The following KIRREL3 variants were observed in gnomAD, a reference collection of about 807,000 sequenced individuals.
The protein encoded by KIRREL3 is kirre like nephrin family adhesion molecule 3.
Under a neutral mutation model 89.7 loss-of-function variants are expected in KIRREL3, and 36 were observed. The observed-to-expected ratio is 0.40, with a 90% confidence interval of 0.31 to 0.53. The LOEUF is 0.53. KIRREL3 is among the 20% of genes least tolerant of loss of function. The pLI is 0.49. For synonymous variants in KIRREL3, 445 were observed against 441.4 expected, an observed-to-expected ratio of 1.01 and a Z score of -0.10; for missense variants, 864 against 1,056.6, an observed-to-expected ratio of 0.82 and a Z score of 2.53.
Position 126,434,983 on chromosome 11 carries a change from G to A in KIRREL3, c.1588+285C>T, listed in dbSNP as rs187828089. Among the ~76,000 whole-genome samples the A allele has an allele frequency of 3.3e-3, 508 of 152,256 alleles. 3 individuals carry two copies. The highest frequency in any genetic ancestry group is 4.4e-3 in the South Asian group (21 of 4,826). On this transcript the variant is annotated intron_variant, in intron 13 of 16. Coordinates refer to ENST00000525144, the MANE Select transcript of KIRREL3 (RefSeq NM_032531.4). ...GGAGTCAGGGCTCCTGAAGAGAAAG[G>A]ATGGAAGGAATGGAGCGGGGACGAG...
rs1946590560 is a variant in KIRREL3 at position 126,684,444 on chromosome 11, T to TCCAAGGTGCCTCCACAAAGCCTCAGGG, written c.56-121559_56-121533dup. Reference sequence around the variant, plus strand: ...GGCTTCCCTGCCCCTCCAAAGTGGTTCCAAGGTGCCTCCACAAAGCCTCAG... The same window carrying TCCAAGGTGCCTCCACAAAGCCTCAGGG: ...GGCTTCCCTGCCCCTCCAAAGTGGTTCCAAGGTGCCTCCACAAAGCCTCAGGGCCAAGGTGCCTCCACAAAGCCTCAG... On this transcript the variant is annotated intron_variant, in intron 1 of 16. Coordinates refer to ENST00000525144, the MANE Select transcript of KIRREL3 (RefSeq NM_032531.4). The surrounding 1 kb of genome is among the most constrained non-coding windows in gnomAD (Gnocchi z 4.2). Among the ~76,000 whole-genome samples, 1 of 152,172 alleles carries TCCAAGGTGCCTCCACAAAGCCTCAGGG rather than the reference T, an allele frequency of 6.6e-6. No individual in the cohort carries two copies. The highest frequency in any genetic ancestry group is 1.5e-5 in the Non-Finnish European group (1 of 68,024).
In KIRREL3 at chr11:126,484,850, T is replaced by C. The variant is rs1415910997; in HGVS notation, c.434-11384A>G. 2.0e-5 allele frequency among the ~76,000 whole-genome samples: 3 copies of C among 151,586 alleles called. No homozygotes were observed. The highest frequency in any genetic ancestry group is 2.9e-5 in the Non-Finnish European group (2 of 67,880). On this transcript the variant is annotated intron_variant, in intron 4 of 16. Coordinates refer to ENST00000525144, the MANE Select transcript of KIRREL3 (RefSeq NM_032531.4). The surrounding 1 kb of genome is among the most constrained non-coding windows in gnomAD (Gnocchi z 5.2). ...TTTTTTCTGAGACGGAGTCTCGCTCTTGTCACCCAGGCTGGAGTGCAATGG... is the reference window on the plus strand; with the variant it reads ...TTTTTTCTGAGACGGAGTCTCGCTCCTGTCACCCAGGCTGGAGTGCAATGG...
chr11:126,835,151 G>T (rs1414127362), intron 1 of KIRREL3, among the ~76,000 whole-genome samples: 2 of 152,192 alleles, frequency 1.3e-5, no homozygotes, highest in Non-Finnish European at 2.9e-5. Flanking sequence ...GACACCCCAT[G>T]CAGAAAACAA....
In KIRREL3 at chr11:126,564,228, A is replaced by G. The variant is rs1940346335; in HGVS notation, c.56-1316T>C. Among the ~76,000 whole-genome samples, 1 of 152,196 alleles carries G rather than the reference A, an allele frequency of 6.6e-6. No individual in the cohort carries two copies. On this transcript the variant is annotated intron_variant, in intron 1 of 16. Transcript: ENST00000525144. The surrounding 1 kb of genome is among the most constrained non-coding windows in gnomAD (Gnocchi z 7.4). The stretch of plus-strand genomic sequence containing the variant: ...ACTGCCTCCCTGAACCCAGCCAGTC[A>G]GTGTCTAGGCTCAAGAGGATAGACG...
chr11:126,424,589 AGTCT>A lies in KIRREL3; in HGVS notation c.2324_2327del (p.Gln775LeufsTer81). 6.2e-7 allele frequency: 1 copy of A among 1,613,744 alleles called. No individual in the cohort carries two copies. The highest frequency in any genetic ancestry group is 8.5e-7 in the Non-Finnish European group (1 of 1,179,818). On this transcript the variant is annotated frameshift_variant, in exon 17 of 17. Coordinates refer to ENST00000525144, the MANE Select transcript of KIRREL3 (RefSeq NM_032531.4). LOFTEE classifies it high-confidence loss of function. Reference sequence around the variant, plus strand: ...CCGCGGTGTGTGATCCTTAGACGTGAGTCTGCATCCGCCGCTGCAGGGGTCGACT... The same window carrying A: ...CCGCGGTGTGTGATCCTTAGACGTGAGCATCCGCCGCTGCAGGGGTCGACT...
At chr11:126,855,904 G>A (rs974219811) in intron 1 of KIRREL3, among the ~76,000 whole-genome samples, 1 of 152,108 alleles carries the variant, frequency 6.6e-6, no homozygotes, top group Admixed American at 6.6e-5. Flanking sequence ...GAGGGGACAG[G>A]GCCTATGGAC....
intron 1 of KIRREL3, among the ~76,000 whole-genome samples, chr11:126,707,147 C>A (rs975475122): frequency 2.7e-4 from 41 of 151,748 alleles, no homozygotes; most frequent in African/African-American, 9.7e-4. Context: ...GAGATGGGGA[C>A]CTTGCCCAGG....
Position 126,905,575 on chromosome 11 carries a change from C to A in KIRREL3, c.55+94880G>T, listed in dbSNP as rs1026015374. Among the ~76,000 whole-genome samples, 1 of 152,094 alleles carries A rather than the reference C, an allele frequency of 6.6e-6. No individual in the cohort carries two copies. On this transcript the variant is annotated intron_variant, in intron 1 of 16. Coordinates refer to ENST00000525144, the MANE Select transcript of KIRREL3 (RefSeq NM_032531.4). The surrounding 1 kb of genome is among the most constrained non-coding windows in gnomAD (Gnocchi z 5.0). ...TCTTTCATTTTGGGCCTTATCGAAC[C>A]TGTCCCGCTTGTGACCCACAAGAGC...
Position 126,492,346 on chromosome 11 carries a change from G to A in KIRREL3, c.434-18880C>T, listed in dbSNP as rs1239398417. On this transcript the variant is annotated intron_variant, in intron 4 of 16. Transcript: ENST00000525144. The surrounding 1 kb of genome is among the most constrained non-coding windows in gnomAD (Gnocchi z 4.8). Reference sequence around the variant, plus strand: ...TGAGGGATGAGGTGGATGTGACAAGGTGACATGACCCTAAGGCAGGGGGAT... The same window carrying A: ...TGAGGGATGAGGTGGATGTGACAAGATGACATGACCCTAAGGCAGGGGGAT... Among the ~76,000 whole-genome samples the A allele has an allele frequency of 2.6e-5, 4 of 152,146 alleles. No homozygotes were observed. The highest frequency in any genetic ancestry group is 6.5e-5 in the Admixed American group (1 of 15,280).
At chr11:126,573,827 C>T (rs1941103356) in intron 1 of KIRREL3, among the ~76,000 whole-genome samples, 1 of 152,082 alleles carries the variant, frequency 6.6e-6, no homozygotes, top group Non-Finnish European at 1.5e-5. Flanking sequence ...AAAGGAATAA[C>T]AGAGACCACA....
rs1245899530 is a variant in KIRREL3, at chr11:126,752,138, G to C, written c.56-189226C>G. ...CAAAATAGGAACAATGATGATACCT[G>C]TCCCTGAGTTATGAAGACGGGGTAA... On this transcript the variant is annotated intron_variant, in intron 1 of 16. Transcript: ENST00000525144. This position sits in a 1 kb window ranked among gnomAD's most constrained non-coding sequence, Gnocchi z 4.8. Among the ~76,000 whole-genome samples the C allele has an allele frequency of 1.3e-5, 2 of 152,168 alleles. No homozygotes were observed. Among genetic ancestry groups the C allele is most frequent in the African/African-American group, 2.4e-5 (1 of 41,432 alleles).
At chr11:126,446,643 A>G (rs1237050697) in intron 9 of KIRREL3, 116 bp downstream of exon 9, 37 of 1,186,072 alleles carry the variant, frequency 3.1e-5, no homozygotes, top group African/African-American at 9.1e-5. Context: ...TGTGGCTTAC[A>G]CTGGAGGCTG....
In KIRREL3 at chr11:126,748,339, T is replaced by G. The variant is rs1273954103; in HGVS notation, c.56-185427A>C. Among the ~76,000 whole-genome samples, 1 of 152,184 alleles carries G rather than the reference T, an allele frequency of 6.6e-6. No individual in the cohort carries two copies. Among genetic ancestry groups the G allele is most frequent in the African/African-American group, 2.4e-5 (1 of 41,450 alleles). On this transcript the variant is annotated intron_variant, in intron 1 of 16. Coordinates refer to ENST00000525144, the MANE Select transcript of KIRREL3 (RefSeq NM_032531.4). The surrounding 1 kb of genome is among the most constrained non-coding windows in gnomAD (Gnocchi z 4.6). Reference sequence around the variant, plus strand: ...GTGACAGCAATAAAAGAACTAAATGTTTTCTAGGTCACCGCCTGATCAAGT... The same window carrying G: ...GTGACAGCAATAAAAGAACTAAATGGTTTCTAGGTCACCGCCTGATCAAGT...
intron 1 of KIRREL3, among the ~76,000 whole-genome samples, chr11:126,863,372 CGTGT>C (rs1366885890): frequency 2.1e-5 from 3 of 145,326 alleles, no homozygotes; most frequent in Admixed American, 7.0e-5. Context: ...TGTTTGAGTG[CGTGT>C]GTGTGTTTGA....
At chr11:126,963,045 T>C (rs1949144265) in intron 1 of KIRREL3, among the ~76,000 whole-genome samples, 1 of 152,178 alleles carries the variant, frequency 6.6e-6, no homozygotes, top group African/African-American at 2.4e-5. Flanking sequence ...CAAAAAAAAT[T>C]GTGCGATTTC....
In KIRREL3 at chr11:126,708,411, C is replaced by G. The variant is rs1450295068; in HGVS notation, c.56-145499G>C. ...TCTCTTGGAAAATGGGGAAGTACAT[C>G]TGTAATTCAGCTGTGAATACCCTAT... On this transcript the variant is annotated intron_variant, in intron 1 of 16. Transcript: ENST00000525144. The surrounding 1 kb of genome is among the most constrained non-coding windows in gnomAD (Gnocchi z 5.7). Among the ~76,000 whole-genome samples, 1 of 152,198 alleles carries G rather than the reference C, an allele frequency of 6.6e-6. No individual in the cohort carries two copies. Among genetic ancestry groups the G allele is most frequent in the Non-Finnish European group, 1.5e-5 (1 of 68,040 alleles).
At position 126,843,657 on chromosome 11, in the gene KIRREL3, C is replaced by T. The variant is rs780650801; in HGVS notation, c.55+156798G>A. On this transcript the variant is annotated intron_variant, in intron 1 of 16. Transcript: ENST00000525144. The surrounding 1 kb of genome is among the most constrained non-coding windows in gnomAD (Gnocchi z 4.6). The stretch of plus-strand genomic sequence containing the variant: ...GGTAAAATAAGGCTAACTTATTTAG[C>T]CTTAAAATAATTTTCCCAGTAAGTT... Among the ~76,000 whole-genome samples the T allele has an allele frequency of 6.6e-6, 1 of 152,080 alleles. No individual in the cohort carries two copies. Among genetic ancestry groups the T allele is most frequent in the Non-Finnish European group, 1.5e-5 (1 of 68,012 alleles).
At chr11:126,753,327 T>A (rs1949396091) in intron 1 of KIRREL3, among the ~76,000 whole-genome samples, 1 of 152,184 alleles carries the variant, frequency 6.6e-6, no homozygotes, top group South Asian at 2.1e-4. Context: ...CAGCCAGGCC[T>A]TCCAGAACCA....
intron 1 of KIRREL3, among the ~76,000 whole-genome samples, chr11:126,582,161 T>C (rs915510871): frequency 6.6e-6 from 1 of 152,222 alleles, no homozygotes; most frequent in African/African-American, 2.4e-5. Flanking sequence ...GAGCCAATCG[T>C]GGAGCCTCTC....
Sources: gnomAD v4.1 joint callset for allele counts (sites outside exome capture counted in the v4.1 genomes callset) on GRCh38, gnomAD v4.1.1 for gene constraint, Gnocchi (gnomAD v3.1) non-coding constraint, MANE v1.5 for transcripts, NCBI Gene and HGNC (gene_info 2026-07-23, HGNC 2026-07-21) for gene names.